Variants in TMEM94 observed in about 807,000 individuals in gnomAD.
The protein encoded by TMEM94 is transmembrane protein 94.
In TMEM94, 81 loss-of-function variants were observed where a neutral mutation model predicts 158.6. That is an observed-to-expected ratio of 0.51 (90% CI 0.43 to 0.61). The LOEUF (loss-of-function observed/expected upper bound fraction) is 0.61. Among genes scored for constraint, TMEM94 ranks in the 20% least tolerant of loss-of-function variants. TMEM94 has a pLI of 0.00. For missense variants in TMEM94, 1,435 were observed against 1,762.0 expected, an observed-to-expected ratio of 0.81 and a Z score of 3.32; for synonymous variants, 751 against 730.7, an observed-to-expected ratio of 1.03 and a Z score of -0.45.
At position 75,492,707 on chromosome 17, in the gene TMEM94, C is replaced by T; in HGVS notation, c.1830C>T (p.Cys610=). The change falls in exon 15 of 32, where the codon TGC becomes TGT. Residue 610 remains cysteine, a synonymous_variant. Coordinates refer to ENST00000314256, the MANE Select transcript of TMEM94 (RefSeq NM_014738.6). This position sits in a 1 kb window ranked among gnomAD's most constrained non-coding sequence, Gnocchi z 4.4. The stretch of plus-strand genomic sequence containing the variant: ...TGTGCCGATTCTCCGACCACCTGTG[C>T]AACATCGCCCTGCAAGAGAGCCACA... ...ERLCRFSDHL[C]NIALQESHSA... is the part of the protein sequence containing the mutation. 1 of 1,613,038 alleles carries T rather than the reference C, an allele frequency of 6.2e-7. No individual in the cohort carries two copies. The highest frequency in any genetic ancestry group is 8.5e-7 in the Non-Finnish European group (1 of 1,179,990).
chr17:75,463,127 C>CAT (rs2050163575), intron 1 of TMEM94, among the ~76,000 whole-genome samples: 1 of 1,904 alleles, frequency 5.3e-4, no homozygotes, highest in South Asian at 0.036. Context: ...TATATATATA[C>CAT]GTGTATATAT....
chr17:75,477,597 G>A (rs2050776224), intron 2 of TMEM94, among the ~76,000 whole-genome samples: 2 of 152,130 alleles, frequency 1.3e-5, no homozygotes, highest in Non-Finnish European at 2.9e-5. Context: ...TGAAGGTCAA[G>A]GTCTAAATTC....
intron 1 of TMEM94, among the ~76,000 whole-genome samples, chr17:75,468,697 G>A (rs2050392060): frequency 6.6e-6 from 1 of 152,248 alleles, no homozygotes; most frequent in African/African-American, 2.4e-5. Flanking sequence ...TAGGGCACCA[G>A]CATGGGTGCC....
Position 75,499,074 on chromosome 17 carries a change from T to C in TMEM94, c.3990T>C (p.His1330=). The C allele has an allele frequency of 6.3e-7, 1 of 1,581,160 alleles. No homozygotes were observed. The highest frequency in any genetic ancestry group is 2.3e-5 in the East Asian group (1 of 44,406). ...TGACCAATGAGATCGTGAAGCTACATGAGATTCGGTGAGCTGTCAGCAGGG... is the reference window on the plus strand; with the variant it reads ...TGACCAATGAGATCGTGAAGCTACACGAGATTCGGTGAGCTGTCAGCAGGG... ...VVVTNEIVKL[H]EIRVRVRYQK... The change falls in exon 31 of 32, where the codon CAT becomes CAC. Residue 1330 remains histidine (H), a synonymous_variant. Transcript: ENST00000314256.
Position 75,497,805 on chromosome 17 carries a change from C to A in TMEM94, c.3432C>A (p.Pro1144=). 1 of 1,613,974 alleles carries A rather than the reference C, an allele frequency of 6.2e-7. No individual in the cohort carries two copies. Among genetic ancestry groups the A allele is most frequent in the Non-Finnish European group, 8.5e-7 (1 of 1,179,954 alleles). The stretch of plus-strand genomic sequence containing the variant: ...GCATCTCTCTGCTGGGGAAGCCCCC[C>A]CATAGCTCCATCATGTCTATGGCAA... ...LLSISLLGKP[P]HSSIMSMATG... The change falls in exon 27 of 32, where the codon CCC becomes CCA. Residue 1144 remains proline (P), a synonymous_variant. Coordinates refer to ENST00000314256, the MANE Select transcript of TMEM94 (RefSeq NM_014738.6).
At chr17:75,486,090 C>G in intron 4 of TMEM94, 92 bp downstream of exon 4, 1 of 1,460,870 alleles carries the variant, frequency 6.8e-7, no homozygotes, top group Non-Finnish European at 9.1e-7. Flanking sequence ...TGGGGGCTGT[C>G]ACCCCCAAGC....
In TMEM94 at chr17:75,485,724, C is replaced by A; in HGVS notation, c.145-147C>A. 1 of 1,318,544 alleles carries A rather than the reference C, an allele frequency of 7.6e-7. No homozygotes were observed. Among genetic ancestry groups the A allele is most frequent in the Non-Finnish European group, 1.0e-6 (1 of 967,022 alleles). 81.7% of individuals were successfully genotyped at this position (1,318,544 alleles called of 1,614,324 possible). A position where few individuals can be genotyped will look rare whatever the true frequency, so the allele number is the denominator to read the frequency against. On this transcript the variant is annotated intron_variant, in intron 3 of 31. Coordinates refer to ENST00000314256, the MANE Select transcript of TMEM94 (RefSeq NM_014738.6). This position sits in a 1 kb window ranked among gnomAD's most constrained non-coding sequence, Gnocchi z 5.5. ...TCAGAGTGGCTCCTGAGCCTGCTTG[C>A]TGCAGGAGCCCAACAGGCTGGAGCC... is the stretch of plus-strand genomic sequence containing the variant.
At chr17:75,462,233 G>C (rs1372891821) in intron 1 of TMEM94, among the ~76,000 whole-genome samples, 2 of 151,584 alleles carry the variant, frequency 1.3e-5, no homozygotes, top group Admixed American at 1.3e-4. Context: ...GGATGGTCTC[G>C]ATCTCTTGAC....
rs757560130 is a variant in TMEM94, at chr17:75,495,615, G to T, written c.2916G>T (p.Val972=). Residue 972 remains valine (V), a synonymous_variant, in exon 22 of 32, where the codon GTG becomes GTT. Coordinates refer to ENST00000314256, the MANE Select transcript of TMEM94 (RefSeq NM_014738.6). The surrounding 1 kb of genome is among the most constrained non-coding windows in gnomAD (Gnocchi z 5.6). Reference sequence around the variant, plus strand: ...ACATTGACAACGTGCCCCTGCTAGTGCCCCTTTTCACCGACTGCACCCCAG... The same window carrying T: ...ACATTGACAACGTGCCCCTGCTAGTTCCCCTTTTCACCGACTGCACCCCAG... ...LQNIDNVPLL[V]PLFTDCTPET... is the part of the protein sequence containing the mutation. 5.0e-6 allele frequency: 8 copies of T among 1,613,444 alleles called. No individual in the cohort carries two copies. Among genetic ancestry groups the T allele is most frequent in the African/African-American group, 1.3e-5 (1 of 74,936 alleles).
intron 1 of TMEM94, among the ~76,000 whole-genome samples, chr17:75,461,689 C>T (rs565048158): frequency 4.6e-5 from 7 of 151,484 alleles, no homozygotes; most frequent in African/African-American, 1.2e-4. Flanking sequence ...TTTGGGAGGC[C>T]GAGGTGGGCG....
chr17:75,467,708 A>G (rs1280967622), intron 1 of TMEM94, among the ~76,000 whole-genome samples: 1 of 147,758 alleles, frequency 6.8e-6, no homozygotes, highest in African/African-American at 2.5e-5. Flanking sequence ...AATTTTTTGT[A>G]TTTTTAGTAG....
At position 75,491,299 on chromosome 17, in the gene TMEM94, G is replaced by A; in HGVS notation, c.1234-4G>A. 2 of 1,614,132 alleles carry A rather than the reference G, an allele frequency of 1.2e-6. No individual in the cohort carries two copies. Among genetic ancestry groups the A allele is most frequent in the Non-Finnish European group, 1.7e-6 (2 of 1,180,022 alleles). On this transcript the variant is annotated splice_polypyrimidine_tract_variant and splice_region_variant and intron_variant, in intron 12 of 31. Coordinates refer to ENST00000314256, the MANE Select transcript of TMEM94 (RefSeq NM_014738.6). The surrounding 1 kb of genome is among the most constrained non-coding windows in gnomAD (Gnocchi z 5.1). ...CTTTCCTATCTCAAATGCTTTCCAT[G>A]CAGGTCCTGTGCTGTGTGGACAAAC...
Position 75,495,639 on chromosome 17 carries a change from A to G in TMEM94, c.2940A>G (p.Pro980=), listed in dbSNP as rs1238478039. Residue 980 remains proline (P), a synonymous_variant, in exon 22 of 32, where the codon CCA becomes CCG. Transcript: ENST00000314256. The surrounding 1 kb of genome is among the most constrained non-coding windows in gnomAD (Gnocchi z 5.6). ...LLVPLFTDCT[P]ETMCEMIKIM... ...TGCCCCTTTTCACCGACTGCACCCC[A>G]GAGAGTGAGTGCTGTGGCCATGGGT... The G allele has an allele frequency of 5.6e-6, 9 of 1,613,210 alleles. No homozygotes were observed. The highest frequency in any genetic ancestry group is 7.6e-6 in the Non-Finnish European group (9 of 1,179,908).
chr17:75,468,709 C>T (rs137865857), intron 1 of TMEM94, among the ~76,000 whole-genome samples: 2 of 152,178 alleles, frequency 1.3e-5, no homozygotes, highest in Non-Finnish European at 2.9e-5. Context: ...ATGGGTGCCA[C>T]CTTGAGAGGA....
intron 1 of TMEM94, among the ~76,000 whole-genome samples, chr17:75,471,475 T>C (rs994194743): frequency 6.6e-6 from 1 of 151,720 alleles, no homozygotes; most frequent in Admixed American, 6.6e-5. Flanking sequence ...GATACTATTA[T>C]GTTGGGTGGC....
chr17:75,471,251 A>AAAAG (rs547383968), intron 1 of TMEM94, among the ~76,000 whole-genome samples: 13,509 of 140,804 alleles, frequency 0.096, 1,657 homozygotes, highest in African/African-American at 0.27. Flanking sequence ...AAAAAAAAAA[A>AAAAG]AAAGAAAGAA....
At chr17:75,497,431 G>A (rs1369938037) in intron 26 of TMEM94, among the ~76,000 whole-genome samples, 2 of 133,294 alleles carry the variant, frequency 1.5e-5, no homozygotes, top group East Asian at 4.7e-4. Context: ...TCTGCTCATT[G>A]CAACCTCCGC....
chr17:75,486,349 T>C lies in TMEM94; in HGVS notation c.332T>C (p.Val111Ala), dbSNP rs2051607137. The C allele has an allele frequency of 2.5e-6, 4 of 1,614,190 alleles. No individual in the cohort carries two copies. The African/African-American group carries it at 5.3e-5, about 22-fold the overall frequency. Residue 111 changes from valine (V) to alanine (A), a missense_variant, in exon 5 of 32, where the codon GTG becomes GCG. By Grantham distance (64) the Val-to-Ala change is moderately conservative (BLOSUM62 0). Around this residue, in one of 3 missense-constraint regions of TMEM94, gnomAD observed 1,051 missense variants for 1,254.4 expected, o/e 0.84. Coordinates refer to ENST00000314256, the MANE Select transcript of TMEM94 (RefSeq NM_014738.6). Reference sequence around the variant, plus strand: ...TTCCTGTTACTGCTTCTCAACCTTGTGCTCATCGGGCGGCAAGACCGGCTG... The same window carrying C: ...TTCCTGTTACTGCTTCTCAACCTTGCGCTCATCGGGCGGCAAGACCGGCTG... ...ALFLLLLLNLVLIGRQDRLKR... is the reference protein window; with the variant it reads ...ALFLLLLLNLALIGRQDRLKR...
Position 75,498,517 on chromosome 17 carries a change from G to C in TMEM94, c.3712G>C (p.Ala1238Pro). 1 of 1,605,072 alleles carries C rather than the reference G, an allele frequency of 6.2e-7. No individual in the cohort carries two copies. The highest frequency in any genetic ancestry group is 1.1e-5 in the South Asian group (1 of 89,716). ...GLLSAQKLTA[A>P]LIVLHTVFIS... ...GCTGTCGGCTCAGAAGCTCACGGCCGCCCTGATTGTCCTGCACACTGGTGA... is the reference window on the plus strand; with the variant it reads ...GCTGTCGGCTCAGAAGCTCACGGCCCCCCTGATTGTCCTGCACACTGGTGA... Residue 1238 changes from alanine (A) to proline (P), a missense_variant, in exon 29 of 32, where the codon GCC (alanine) becomes CCC (proline). Transcript: ENST00000314256. This position sits in a 1 kb window ranked among gnomAD's most constrained non-coding sequence, Gnocchi z 6.7.
Sources: gnomAD v4.1 joint callset for allele counts (sites outside exome capture counted in the v4.1 genomes callset) on GRCh38, gnomAD v4.1.1 for gene constraint, gnomAD v4.1.1 regional missense constraint, Gnocchi (gnomAD v3.1) non-coding constraint, MANE v1.5 for transcripts, NCBI Gene and HGNC (gene_info 2026-07-23, HGNC 2026-07-21) for gene names.